The following PFKFB3 variants were observed in gnomAD, a reference collection of about 807,000 sequenced individuals.
PFKFB3 encodes the protein 6-phosphofructo-2-kinase/fructose-2,6-bisphosphatase 3.
A neutral mutation model predicts 68.0 loss-of-function variants in PFKFB3; 33 were observed. That is an observed-to-expected ratio of 0.49 (90% confidence interval 0.37 to 0.65). The LOEUF (loss-of-function observed/expected upper bound fraction) is 0.65. Among genes scored for constraint, PFKFB3 ranks in the 30% least tolerant of loss-of-function variants. The pLI is 0.00. For missense variants in PFKFB3, 586 were observed against 712.2 expected (o/e 0.82, Z 2.02); for synonymous variants, 315 against 288.2 (o/e 1.09, Z -0.94).
downstream of PFKFB3, among the ~76,000 whole-genome samples, chr10:6,255,166 C>T (rs1846477648): frequency 6.6e-6 from 1 of 150,850 alleles, no homozygotes. Flanking sequence ...GGAGTCTTAC[C>T]CAGGCTGGAG....
At chr10:6,166,632 G>A (rs767190835) in intron 1 of PFKFB3, among the ~76,000 whole-genome samples, 1 of 152,094 alleles carries the variant, frequency 6.6e-6, no homozygotes, top group African/African-American at 2.4e-5. Context: ...TCTCTCAGAC[G>A]GAGGCAGCCT....
the PFKFB3 span, among the ~76,000 whole-genome samples, chr10:6,318,066 T>C: frequency 4.6e-5 from 7 of 152,362 alleles, no homozygotes; most frequent in South Asian, 1.2e-3. Context: ...TTCCTTTTCA[T>C]GACACCATGC....
intron 1 of PFKFB3, among the ~76,000 whole-genome samples, chr10:6,157,375 C>T (rs1013227767): frequency 6.6e-5 from 10 of 152,030 alleles, no homozygotes; most frequent in Admixed American, 4.6e-4. Flanking sequence ...TACAGGCGCC[C>T]GCCGCCCCGC....
the PFKFB3 span, among the ~76,000 whole-genome samples, chr10:6,297,477 C>T: frequency 5.3e-5 from 8 of 151,938 alleles, no homozygotes; most frequent in East Asian, 1.5e-3. Flanking sequence ...AGATGAGAAT[C>T]AGGAGAGAGG....
chr10:6,217,983 A>T (rs1844702662), intron 6 of PFKFB3, among the ~76,000 whole-genome samples: 1 of 152,204 alleles, frequency 6.6e-6, no homozygotes, highest in Non-Finnish European at 1.5e-5. Flanking sequence ...TAGCCCCGGT[A>T]TCTTCCCCAA....
rs1345564146 is a variant in PFKFB3 at position 6,221,639 on chromosome 10, A to T, written c.979-2A>T. ...CCCTGAGTGACCACTGGGTCCCCGC[A>T]GGGCGTCTGTGAGGAGCTGACCTAC... On this transcript the variant is annotated splice_acceptor_variant, in intron 9 of 14. Coordinates refer to ENST00000379775, the MANE Select transcript of PFKFB3 (RefSeq NM_004566.4). LOFTEE classifies it high-confidence loss of function. 1 of 1,610,482 alleles carries T rather than the reference A, an allele frequency of 6.2e-7. No individual in the cohort carries two copies. Among genetic ancestry groups the T allele is most frequent in the Admixed American group, 1.7e-5 (1 of 59,316 alleles).
At chr10:6,205,388 CTTTTTTT>C (rs3084014) in intron 1 of PFKFB3, among the ~76,000 whole-genome samples, 70 of 106,518 alleles carry the variant, frequency 6.6e-4, no homozygotes, top group African/African-American at 1.6e-3. Flanking sequence ...TTCTTTCTTC[CTTTTTTT>C]TTTTTTTTTT....
chr10:6,286,166 G>A, the PFKFB3 span, among the ~76,000 whole-genome samples: 67 of 151,608 alleles, frequency 4.4e-4, 1 homozygote, highest in South Asian at 0.012. Context: ...TTTAGTAGAG[G>A]CAGGGTTTCA....
chr10:6,255,982 G>A (rs1269369263), downstream of PFKFB3, among the ~76,000 whole-genome samples: 3 of 152,208 alleles, frequency 2.0e-5, no homozygotes, highest in Non-Finnish European at 4.4e-5. Flanking sequence ...GTGCTTCAGC[G>A]GGAAGAGCCC....
At chr10:6,148,179 G>A (rs1349652649) in intron 1 of PFKFB3, among the ~76,000 whole-genome samples, 1 of 152,212 alleles carries the variant, frequency 6.6e-6, no homozygotes, top group Non-Finnish European at 1.5e-5. Context: ...GGAGTCAGAA[G>A]TCCAAATGTA....
At chr10:6,312,626 G>A in the PFKFB3 span, among the ~76,000 whole-genome samples, 13 of 152,294 alleles carry the variant, frequency 8.5e-5, no homozygotes, top group South Asian at 6.2e-4. Flanking sequence ...GTTGGTATGC[G>A]TTCTAAACAA....
downstream of PFKFB3, among the ~76,000 whole-genome samples, chr10:6,255,442 A>T (rs1408707098): frequency 6.6e-6 from 1 of 152,206 alleles, no homozygotes; most frequent in Non-Finnish European, 1.5e-5. Context: ...GTTTCTTTCT[A>T]GTCCCCATGT....
At chr10:6,160,502 GA>G (rs1180228711) in intron 1 of PFKFB3, among the ~76,000 whole-genome samples, 1 of 152,186 alleles carries the variant, frequency 6.6e-6, no homozygotes, top group Non-Finnish European at 1.5e-5. Context: ...CAGATGACCT[GA>G]AGTCAGGAGT....
rs60028902 is a variant in PFKFB3 at position 6,205,542 on chromosome 10, G to T, written c.76+2206G>T. On this transcript the variant is annotated intron_variant, in intron 1 of 14. Coordinates refer to ENST00000379775, the MANE Select transcript of PFKFB3 (RefSeq NM_004566.4). The stretch of plus-strand genomic sequence containing the variant: ...CGAGAAGCTGGGATTACAGGCGCAC[G>T]CCGCCATGCCCAGCTAATTTTCATA... Among the ~76,000 whole-genome samples, 781 of 151,916 alleles carry T rather than the reference G, an allele frequency of 5.1e-3. 7 individuals are homozygous for T. The highest frequency in any genetic ancestry group is 0.016 in the African/African-American group (655 of 41,472).
intron 1 of PFKFB3, among the ~76,000 whole-genome samples, chr10:6,207,336 C>G (rs1843856216): frequency 6.6e-6 from 1 of 152,242 alleles, no homozygotes; most frequent in Non-Finnish European, 1.5e-5. Context: ...ACTCGGCAGG[C>G]TGAGGCAGGA....
At chr10:6,273,924 G>A in the PFKFB3 span, among the ~76,000 whole-genome samples, 1 of 152,228 alleles carries the variant, frequency 6.6e-6, no homozygotes, top group South Asian at 2.1e-4. Flanking sequence ...TTTTTGTTGT[G>A]GGCCGGTGCG....
In PFKFB3 at chr10:6,229,645, G is replaced by T. The variant is rs12218519; in HGVS notation, c.1516-3250G>T. Among the ~76,000 whole-genome samples, 1 of 152,186 alleles carries T rather than the reference G, an allele frequency of 6.6e-6. No homozygotes were observed. Among genetic ancestry groups the T allele is most frequent in the Non-Finnish European group, 1.5e-5 (1 of 68,034 alleles). ...AGTGTCTGTGATGCGCGGGGCCAGCGTGCAGTGCTTCAGGATCTGGGCTTC... is the reference window on the plus strand; with the variant it reads ...AGTGTCTGTGATGCGCGGGGCCAGCTTGCAGTGCTTCAGGATCTGGGCTTC... On this transcript the variant is annotated intron_variant, in intron 14 of 14. Coordinates refer to ENST00000379775, the MANE Select transcript of PFKFB3 (RefSeq NM_004566.4). The surrounding 1 kb of genome is among the most constrained non-coding windows in gnomAD (Gnocchi z 4.3).
intron 1 of PFKFB3, chr10:6,145,151 C>A: frequency 1.7e-6 from 1 of 605,016 alleles, no homozygotes; most frequent in Non-Finnish European, 2.4e-6. Context: ...CGCCCGGGGC[C>A]AAGCGAGACG....
At chr10:6,277,119 C>T in the PFKFB3 span, among the ~76,000 whole-genome samples, 3 of 152,068 alleles carry the variant, frequency 2.0e-5, no homozygotes, top group Admixed American at 1.3e-4. Context: ...TCTGTGTCCC[C>T]GCCCAGATCT....
Sources: gnomAD v4.1 joint callset for allele counts (sites outside exome capture counted in the v4.1 genomes callset) on GRCh38, gnomAD v4.1.1 for gene constraint, Gnocchi (gnomAD v3.1) non-coding constraint, MANE v1.5 for transcripts, NCBI Gene and HGNC (gene_info 2026-07-23, HGNC 2026-07-21) for gene names.